MGAM: variants seen among roughly 807,000 people sequenced by gnomAD.
MGAM encodes the protein alpha-1,4-glucosidase.
Under a neutral mutation model 358.8 loss-of-function variants are expected in MGAM, and 253 were observed. The observed-to-expected ratio is 0.71, with a 90% CI of 0.64 to 0.78. MGAM has a LOEUF of 0.78. Among genes scored for constraint, MGAM ranks in the 30% least tolerant of loss-of-function variants. MGAM has a pLI of 0.00. For missense variants in MGAM, 3,080 were observed against 3,432.6 expected, an observed-to-expected ratio of 0.90 and a Z score of 2.57; for synonymous variants, 1,105 against 1,227.1, an observed-to-expected ratio of 0.90 and a Z score of 2.08.
At chr7:142,028,939 G>T (rs1262884724) in intron 10 of MGAM, among the ~76,000 whole-genome samples, 1 of 152,112 alleles carries the variant, frequency 6.6e-6, no homozygotes, top group Admixed American at 6.5e-5. Flanking sequence ...AAGCAGGACT[G>T]AGCCAAAGGA....
chr7:142,036,882 C>T lies in MGAM; in HGVS notation c.2136C>T (p.Tyr712=), dbSNP rs1554466139. The T allele has an allele frequency of 6.2e-7, 1 of 1,613,654 alleles. No individual in the cohort carries two copies. Among genetic ancestry groups the T allele is most frequent in the South Asian group, 1.1e-5 (1 of 91,070 alleles). ...DSLLLNSSRH[Y]LNIRYTLLPY... ...TGCTGTTGAATTCCTCCAGGCACTA[C>T]CTTAACATCCGCTATACTCTATTGC... Residue 712 remains tyrosine, a synonymous_variant, in exon 18 of 71, where the codon TAC becomes TAT. Coordinates refer to ENST00000475668, the MANE Select transcript of MGAM (RefSeq NM_001365693.1).
intron 23 of MGAM, 74 bp downstream of exon 23, chr7:142,050,358 T>G: frequency 2.0e-6 from 3 of 1,482,450 alleles, no homozygotes; most frequent in Non-Finnish European, 2.8e-6. Context: ...CTTGTGTATA[T>G]TGTATATGTG....
Position 142,086,073 on chromosome 7 carries a change from A to G in MGAM, c.6636+112A>G, listed in dbSNP as rs2129055328. 3 of 1,476,172 alleles carry G rather than the reference A, an allele frequency of 2.0e-6. 1 individual carries two copies. The highest frequency in any genetic ancestry group is 2.8e-6 in the Non-Finnish European group (3 of 1,078,282). The allele number at this position is 1,476,172 out of a possible 1,614,324, so 91.4% of individuals were successfully genotyped here. A position where few individuals can be genotyped will look rare whatever the true frequency, so the allele number is the denominator to read the frequency against. ...CAAGTAGATAAATTGAAGTGTAGTA[A>G]GAAATGTGTATTTCCCTGGACTCAC... On this transcript the variant is annotated intron_variant, in intron 55 of 70. Transcript: ENST00000475668.
intron 67 of MGAM, among the ~76,000 whole-genome samples, chr7:142,100,042 A>T (rs957386111): frequency 6.6e-6 from 1 of 152,156 alleles, no homozygotes; most frequent in Non-Finnish European, 1.5e-5. Context: ...TTAGTATACT[A>T]TTGGGTCTGA....
chr7:142,019,302 T>C lies in MGAM; in HGVS notation c.431T>C (p.Leu144Pro), dbSNP rs1554457576. Residue 144 changes from leucine (L) to proline (P), a missense_variant, in exon 4 of 71, where the codon CTT becomes CCT. By Grantham distance (98) the Leu-to-Pro change is moderately conservative. Coordinates refer to ENST00000475668, the MANE Select transcript of MGAM (RefSeq NM_001365693.1). ...KNHSYHVEGNLVNTNAGFTAR... is the reference protein window; with the variant it reads ...KNHSYHVEGNPVNTNAGFTAR... ...CATAGCTACCATGTAGAGGGCAACC[T>C]TGTCAACACAAATGCAGGTAAGCCA... 1 of 1,613,246 alleles carries C rather than the reference T, an allele frequency of 6.2e-7. No individual in the cohort carries two copies. The highest frequency in any genetic ancestry group is 2.2e-5 in the East Asian group (1 of 44,852).
At chr7:141,990,822 C>T (rs1803912949) in intron 2 of MGAM, among the ~76,000 whole-genome samples, 1 of 152,216 alleles carries the variant, frequency 6.6e-6, no homozygotes, top group African/African-American at 2.4e-5. Context: ...ATGCTGCTCC[C>T]TTCGCCCAAA....
At chr7:142,017,643 A>C (rs1370143505) in intron 3 of MGAM, among the ~76,000 whole-genome samples, 7 of 152,024 alleles carry the variant, frequency 4.6e-5, no homozygotes, top group African/African-American at 1.4e-4. Context: ...GTTTCCTCTG[A>C]GTGGGTTTTA....
intron 23 of MGAM, 110 bp downstream of exon 23, chr7:142,050,394 A>G (rs1313176919): frequency 7.7e-7 from 1 of 1,295,732 alleles, no homozygotes; most frequent in African/African-American, 1.5e-5. Context: ...CTTTATATGC[A>G]TTATTGGCTA....
intron 35 of MGAM, 42 bp from the exon 36 acceptor site, chr7:142,063,457 T>C (rs1443022028): frequency 6.3e-7 from 1 of 1,596,186 alleles, no homozygotes; most frequent in South Asian, 1.1e-5. Context: ...CAGGACGTAA[T>C]TATCTTAAAA....
chr7:142,023,870 G>A (rs1806701526), intron 7 of MGAM, among the ~76,000 whole-genome samples: 1 of 152,176 alleles, frequency 6.6e-6, no homozygotes, highest in Non-Finnish European at 1.5e-5. Context: ...CTCAAAGTGT[G>A]TATGTGGCAG....
At chr7:141,989,518 G>T (rs1803850917) in intron 2 of MGAM, among the ~76,000 whole-genome samples, 1 of 151,656 alleles carries the variant, frequency 6.6e-6, no homozygotes, top group South Asian at 2.1e-4. Context: ...TTAAGCCCAG[G>T]CTAGTTTGAT....
Position 142,105,802 on chromosome 7 carries a change from G to T in MGAM, c.8185-12G>T, listed in dbSNP as rs1047336054. Reference sequence around the variant, plus strand: ...ACCGGATGCCCAATTCTTTTCCTTTGGTTCCTAACAGGTATTAAGCATCGA... The same window carrying T: ...ACCGGATGCCCAATTCTTTTCCTTTTGTTCCTAACAGGTATTAAGCATCGA... On this transcript the variant is annotated splice_polypyrimidine_tract_variant and intron_variant, in intron 70 of 70. Transcript: ENST00000475668. The T allele has an allele frequency of 1.9e-6, 3 of 1,607,310 alleles. No individual in the cohort carries two copies. The highest frequency in any genetic ancestry group is 2.6e-6 in the Non-Finnish European group (3 of 1,174,718).
chr7:142,062,962 G>A (rs1196735659), intron 35 of MGAM, among the ~76,000 whole-genome samples: 2 of 152,192 alleles, frequency 1.3e-5, no homozygotes, highest in Middle Eastern at 3.2e-3. Flanking sequence ...ACTTTGGGAG[G>A]CTGAGGTGGG....
At position 142,094,746 on chromosome 7, in the gene MGAM, G is replaced by A; in HGVS notation, c.7342-1G>A. On this transcript the variant is annotated splice_acceptor_variant, in intron 62 of 70. Coordinates refer to ENST00000475668, the MANE Select transcript of MGAM (RefSeq NM_001365693.1). LOFTEE classifies it high-confidence loss of function. ...GCTCCTTTTATTTCCTCTTGTTTCA[G>A]ACGGGAGCAGATATCTGTGGGTTCT... is the stretch of plus-strand genomic sequence containing the variant. 1 of 1,613,710 alleles carries A rather than the reference G, an allele frequency of 6.2e-7. No homozygotes were observed. Among genetic ancestry groups the A allele is most frequent in the Non-Finnish European group, 8.5e-7 (1 of 1,179,836 alleles).
chr7:142,036,458 C>T (rs1808005031), intron 17 of MGAM, among the ~76,000 whole-genome samples, 173 bp downstream of exon 17: 1 of 152,166 alleles, frequency 6.6e-6, no homozygotes, highest in Non-Finnish European at 1.5e-5. Flanking sequence ...TCGAAATGCC[C>T]AACGGCCTCA....
At chr7:142,025,193 C>T (rs1806840072) in intron 8 of MGAM, 44 bp downstream of exon 8, 1 of 1,411,218 alleles carries the variant, frequency 7.1e-7, no homozygotes, top group Non-Finnish European at 1.0e-6. Flanking sequence ...GAGTGATTTT[C>T]AGTCCCTTTC....
In MGAM at chr7:142,106,071, T is replaced by C. The variant is rs1816838398; in HGVS notation, c.*180T>C. The C allele has an allele frequency of 3.8e-6, 2 of 524,042 alleles. No homozygotes were observed. Among genetic ancestry groups the C allele is most frequent in the Non-Finnish European group, 6.9e-6 (2 of 289,694 alleles). 32.5% of individuals were successfully genotyped at this position (524,042 alleles called of 1,614,324 possible). A position where few individuals can be genotyped will look rare whatever the true frequency, so the allele number is the denominator to read the frequency against. On this transcript the variant is annotated 3_prime_UTR_variant, in exon 71 of 71. Coordinates refer to ENST00000475668, the MANE Select transcript of MGAM (RefSeq NM_001365693.1). ...AAGGTTAAACCTTAGCCCTGTGGGA[T>C]AGGCAGTTAGGGAGGTGTGGAAAAT... is the stretch of plus-strand genomic sequence containing the variant.
At chr7:142,002,178 T>G (rs1373519787) in intron 1 of MGAM, among the ~76,000 whole-genome samples, 1 of 152,156 alleles carries the variant, frequency 6.6e-6, no homozygotes, top group Non-Finnish European at 1.5e-5. Flanking sequence ...AATAGAGTAG[T>G]GTGAGATTTC....
chr7:142,042,488 TAC>T (rs1323954930), intron 21 of MGAM, among the ~76,000 whole-genome samples: 8 of 4,892 alleles, frequency 1.6e-3, no homozygotes, highest in African/African-American at 6.8e-3. Context: ...ATATATTATA[TAC>T]ATATATATAA....
Sources: allele counts gnomAD v4.1 joint callset (sites outside exome capture counted in the v4.1 genomes callset), GRCh38; gene constraint gnomAD v4.1.1; transcripts MANE v1.5; gene names NCBI Gene and HGNC (gene_info 2026-07-23, HGNC 2026-07-21).